The following TRMT11 variants were observed in gnomAD, a reference collection of about 807,000 sequenced individuals.
TRMT11 encodes tRNA (guanine(10)-N(2))-methyltransferase TRMT11.
In TRMT11, 53 loss-of-function variants were observed where a neutral mutation model predicts 62.8. That is an observed-to-expected ratio of 0.84 (90% CI 0.68 to 1.06). The LOEUF (loss-of-function observed/expected upper bound fraction) is 1.06, where lower values mean the gene tolerates loss of function less well. TRMT11 is among the 50% of genes least tolerant of loss of function. The pLI, the probability that TRMT11 is intolerant of heterozygous loss-of-function variation, is 0.00. For synonymous variants in TRMT11, 188 were observed against 190.3 expected (o/e 0.99, Z 0.10); for missense variants, 556 against 553.4 (o/e 1.00, Z -0.05).
At chr6:126,022,051 GTTTTTTTTTTTTTTT>G (rs10581882) in intron 12 of TRMT11, among the ~76,000 whole-genome samples, 1 of 52,274 alleles carries the variant, frequency 1.9e-5, no homozygotes, top group Admixed American at 2.5e-4. Flanking sequence ...TTTTTCCTTA[GTTTTTTTTTTTTTTT>G]TTTTTTTTTT....
intron 21 of TRMT11, among the ~76,000 whole-genome samples, chr6:126,146,593 C>G (rs903930369): frequency 2.6e-5 from 4 of 151,878 alleles, no homozygotes; most frequent in African/African-American, 9.7e-5. Flanking sequence ...TCTCGGCTCA[C>G]TGCAACCTCC....
intron 1 of TRMT11, among the ~76,000 whole-genome samples, chr6:126,186,494 G>A (rs555783218): frequency 6.6e-6 from 1 of 152,208 alleles, no homozygotes; most frequent in Non-Finnish European, 1.5e-5. Context: ...TTTTGGAAAA[G>A]AAAGCAATGT....
intron 12 of TRMT11, among the ~76,000 whole-genome samples, chr6:126,027,054 C>T (rs1773298321): frequency 6.6e-6 from 1 of 152,042 alleles, no homozygotes; most frequent in Non-Finnish European, 1.5e-5. Context: ...GATCCGCCAG[C>T]CTCGGCCTCC....
intron 17 of TRMT11, among the ~76,000 whole-genome samples, chr6:126,092,115 A>G (rs995778485): frequency 6.6e-6 from 1 of 152,224 alleles, no homozygotes; most frequent in African/African-American, 2.4e-5. Context: ...ATTCAGATTT[A>G]AAGTAGTCTT....
At chr6:125,999,656 A>G (rs1244522538) in intron 7 of TRMT11, 43 bp downstream of exon 7, 3 of 1,509,138 alleles carry the variant, frequency 2.0e-6, no homozygotes, top group Non-Finnish European at 2.7e-6. Context: ...GATGTTGCTT[A>G]TTTATATTAA....
chr6:125,999,403 A>G, intron 6 of TRMT11, 54 bp from the exon 7 acceptor site: 1 of 1,400,852 alleles, frequency 7.1e-7, no homozygotes, highest in Non-Finnish European at 9.6e-7. Context: ...GTGAGTGATT[A>G]TCTTAAGTCT....
downstream of TRMT11, among the ~76,000 whole-genome samples, chr6:126,041,368 AT>A (rs1775875100): frequency 6.6e-6 from 1 of 152,056 alleles, no homozygotes; most frequent in South Asian, 2.1e-4. Flanking sequence ...AGAAGCAGGG[AT>A]TTGACTTTTT....
intron 1 of TRMT11, among the ~76,000 whole-genome samples, chr6:126,180,582 A>AG (rs1778446911): frequency 6.6e-6 from 1 of 152,218 alleles, no homozygotes; most frequent in Admixed American, 6.5e-5. Flanking sequence ...TACTGTAAAG[A>AG]AGGTAGTAAG....
At chr6:126,076,649 A>C (rs181106451) in intron 17 of TRMT11, among the ~76,000 whole-genome samples, 48 of 152,274 alleles carry the variant, frequency 3.2e-4, no homozygotes, top group African/African-American at 1.2e-3. Context: ...ATAACTACCC[A>C]TTGCCTAAAA....
the TRMT11 span, among the ~76,000 whole-genome samples, chr6:126,234,237 G>C: frequency 2.0e-4 from 31 of 152,208 alleles, no homozygotes; most frequent in Admixed American, 2.0e-3. Flanking sequence ...GGAGGCCCTA[G>C]TTGAAAGTTC....
intron 12 of TRMT11, among the ~76,000 whole-genome samples, chr6:126,024,564 A>G (rs1422902699): frequency 6.6e-6 from 1 of 152,240 alleles, no homozygotes; most frequent in Non-Finnish European, 1.5e-5. Context: ...TGACAGTCCT[A>G]TTGGATTAAG....
At chr6:126,156,080 C>G (rs1221790989) in intron 21 of TRMT11, among the ~76,000 whole-genome samples, 2 of 152,164 alleles carry the variant, frequency 1.3e-5, no homozygotes, top group Non-Finnish European at 2.9e-5. Context: ...GATTCCATGT[C>G]CCTCATCTAG....
the TRMT11 span, among the ~76,000 whole-genome samples, chr6:126,230,136 A>G: frequency 6.6e-6 from 1 of 152,180 alleles, no homozygotes; most frequent in African/African-American, 2.4e-5. Flanking sequence ...TTTTATTGGC[A>G]TGAAACTTAC....
At chr6:126,193,202 T>C (rs1778623787) in intron 1 of TRMT11, among the ~76,000 whole-genome samples, 1 of 152,150 alleles carries the variant, frequency 6.6e-6, no homozygotes, top group Non-Finnish European at 1.5e-5. Flanking sequence ...TTCCAATTTA[T>C]TGACATCTAG....
At chr6:126,011,460 G>A in intron 9 of TRMT11, 43 bp downstream of exon 9, 1 of 1,542,656 alleles carries the variant, frequency 6.5e-7, no homozygotes. Flanking sequence ...GATTCGTTTT[G>A]TAAAATCATT....
At chr6:126,182,386 C>T (rs1778477336) in intron 1 of TRMT11, among the ~76,000 whole-genome samples, 1 of 151,882 alleles carries the variant, frequency 6.6e-6, no homozygotes, top group African/African-American at 2.4e-5. Context: ...TTTCCCACTT[C>T]TTGGTGGTCG....
intron 21 of TRMT11, among the ~76,000 whole-genome samples, chr6:126,143,054 T>G (rs1023350410): frequency 6.6e-6 from 1 of 152,132 alleles, no homozygotes; most frequent in African/African-American, 2.4e-5. Context: ...CTGTATTTTA[T>G]CTCAAAATCA....
chr6:126,042,045 T>C (rs1775894175), downstream of TRMT11, among the ~76,000 whole-genome samples: 1 of 152,134 alleles, frequency 6.6e-6, no homozygotes, highest in South Asian at 2.1e-4. Context: ...AACATACACA[T>C]GGAGACAATA....
intron 21 of TRMT11, among the ~76,000 whole-genome samples, chr6:126,116,050 T>C (rs760429666): frequency 2.6e-5 from 4 of 151,144 alleles, no homozygotes; most frequent in Non-Finnish European, 4.4e-5. Context: ...TCAATGCTTG[T>C]CCAGCAAGTT....
Sources: gnomAD v4.1 joint callset for allele counts (sites outside exome capture counted in the v4.1 genomes callset) on GRCh38, gnomAD v4.1.1 for gene constraint, MANE v1.5 for transcripts, NCBI Gene and HGNC (gene_info 2026-07-23, HGNC 2026-07-21) for gene names.